The following AGBL1 variants were observed in gnomAD, a reference collection of about 807,000 sequenced individuals.
The protein encoded by AGBL1 is AGBL carboxypeptidase 1.
Under a neutral mutation model 118.9 loss-of-function variants are expected in AGBL1, and 130 were observed. That is an observed-to-expected ratio of 1.09 (90% CI 0.95 to 1.26). The LOEUF is 1.26. Among genes scored for constraint, AGBL1 ranks in the 50% most tolerant of loss-of-function variants. AGBL1 has a pLI of 0.00. For synonymous variants in AGBL1, 555 were observed against 478.9 expected, an observed-to-expected ratio of 1.16 and a Z score of -2.08; for missense variants, 1,584 against 1,298.1, an observed-to-expected ratio of 1.22 and a Z score of -3.38.
chr15:86,144,778 A>G (rs1030997109), intron 3 of AGBL1, among the ~76,000 whole-genome samples: 2 of 152,216 alleles, frequency 1.3e-5, no homozygotes, highest in Non-Finnish European at 2.9e-5. Flanking sequence ...AAGTTTACCT[A>G]TGTAACAAAC....
intron 23 of AGBL1, among the ~76,000 whole-genome samples, chr15:86,936,240 A>ATG (rs767265459): frequency 0.017 from 2,314 of 133,944 alleles, 40 homozygotes; most frequent in African/African-American, 0.053. Context: ...GTGTGTATGT[A>ATG]TGTGTGTGTG....
chr15:86,947,845 T>A (rs1326034906), intron 23 of AGBL1, among the ~76,000 whole-genome samples: 1 of 152,240 alleles, frequency 6.6e-6, no homozygotes, highest in Non-Finnish European at 1.5e-5. Context: ...GACGTTGTTT[T>A]TTCCTTTAGA....
chr15:86,371,229 G>A (rs531273049), intron 17 of AGBL1, among the ~76,000 whole-genome samples: 12 of 152,144 alleles, frequency 7.9e-5, no homozygotes, highest in African/African-American at 1.2e-4. Context: ...GTTGTGCTTC[G>A]TGCAGCTGGT....
rs908860439 is a variant in AGBL1, at chr15:86,817,231, G to A, written c.3159-89856G>A. On this transcript the variant is annotated intron_variant, in intron 22 of 22. Coordinates refer to ENST00000614907, the MANE Select transcript of AGBL1 (RefSeq NM_001386094.1). ...TGCTTGATCTCAGAAGGCGGAGGTT[G>A]CAGTGACCCAAGATAGTGCGATTGT... Among the ~76,000 whole-genome samples, 4 of 150,288 alleles carry A rather than the reference G, an allele frequency of 2.7e-5. No individual in the cohort carries two copies. In the Admixed American group the frequency reaches 2.7e-4, roughly 10 times the overall value.
At chr15:86,925,298 T>C (rs1596640679) in intron 23 of AGBL1, among the ~76,000 whole-genome samples, 1 of 152,204 alleles carries the variant, frequency 6.6e-6, no homozygotes, top group East Asian at 1.9e-4. Context: ...GGGAGGTATA[T>C]GGTAGAGTCT....
At chr15:86,545,894 T>C (rs2083573365) in intron 19 of AGBL1, 108 bp from the exon 20 acceptor site, 1 of 1,335,668 alleles carries the variant, frequency 7.5e-7, no homozygotes, top group South Asian at 1.4e-5. Flanking sequence ...AAAGTTGACA[T>C]TGTAAACTTT....
intron 17 of AGBL1, among the ~76,000 whole-genome samples, chr15:86,345,522 C>G (rs16976052): frequency 0.047 from 7,169 of 152,284 alleles, 201 homozygotes; most frequent in South Asian, 0.075. Context: ...AGAAGTACCT[C>G]TAACTGTAAG....
downstream of AGBL1, among the ~76,000 whole-genome samples, chr15:87,029,535 A>G (rs139142414): frequency 3.5e-4 from 53 of 152,078 alleles, 1 homozygote; most frequent in Non-Finnish European, 2.9e-4. Flanking sequence ...AGTAATGGCC[A>G]CTACCCCTTC....
chr15:86,769,646 T>G (rs900756771), intron 22 of AGBL1, among the ~76,000 whole-genome samples: 1 of 152,028 alleles, frequency 6.6e-6, no homozygotes, highest in Non-Finnish European at 1.5e-5. Context: ...GGACACTTGT[T>G]CATTCACCAT....
chr15:86,586,605 G>A (rs2084252080), intron 21 of AGBL1, among the ~76,000 whole-genome samples: 1 of 152,136 alleles, frequency 6.6e-6, no homozygotes, highest in South Asian at 2.1e-4. Context: ...GTCTCAAGAG[G>A]TCCTGAGAAA....
At chr15:86,611,857 C>T (rs2084660800) in intron 21 of AGBL1, among the ~76,000 whole-genome samples, 1 of 152,116 alleles carries the variant, frequency 6.6e-6, no homozygotes, top group African/African-American at 2.4e-5. Context: ...GGTGAGTCAA[C>T]AGAACCACAA....
chr15:86,778,453 G>A (rs1037797023), intron 22 of AGBL1, among the ~76,000 whole-genome samples: 2 of 152,056 alleles, frequency 1.3e-5, no homozygotes, highest in Admixed American at 6.6e-5. Context: ...CTACAGCTTC[G>A]ACTGTAAAAG....
chr15:86,286,735 G>GTGTGTGTATATATATATATATA, intron 16 of AGBL1, among the ~76,000 whole-genome samples: 1 of 106,296 alleles, frequency 9.4e-6, no homozygotes, highest in African/African-American at 3.9e-5. Flanking sequence ...GTTTGTGTGT[G>GTGTGTGTATATATATATATATA]TATATATATA....
intron 24 of AGBL1, among the ~76,000 whole-genome samples, chr15:87,017,786 G>A (rs866187265): frequency 6.6e-6 from 1 of 152,122 alleles, no homozygotes; most frequent in Non-Finnish European, 1.5e-5. Context: ...ACAGAACAGG[G>A]CTGAGGCTGA....
intron 22 of AGBL1, among the ~76,000 whole-genome samples, chr15:86,863,277 T>TGA (rs2141484744): frequency 6.6e-6 from 1 of 152,352 alleles, no homozygotes; most frequent in African/African-American, 2.4e-5. Flanking sequence ...TCTCTATTTA[T>TGA]GAACATTTGA....
chr15:87,009,636 A>T (rs2081538162), intron 24 of AGBL1, among the ~76,000 whole-genome samples: 1 of 152,186 alleles, frequency 6.6e-6, no homozygotes, highest in Non-Finnish European at 1.5e-5. Flanking sequence ...AAAGCCACAG[A>T]CACTCAATGC....
intron 1 of AGBL1, among the ~76,000 whole-genome samples, chr15:86,090,202 C>A (rs1212049342): frequency 6.6e-6 from 1 of 152,294 alleles, no homozygotes; most frequent in Non-Finnish European, 1.5e-5. Context: ...GGCAGTCTGA[C>A]TCCAGATTCC....
At chr15:86,370,486 G>A (rs1459176928) in intron 17 of AGBL1, among the ~76,000 whole-genome samples, 4 of 151,968 alleles carry the variant, frequency 2.6e-5, no homozygotes, top group South Asian at 2.1e-4. Flanking sequence ...TGTAGAGACC[G>A]GGTTTCACCA....
intron 21 of AGBL1, among the ~76,000 whole-genome samples, chr15:86,566,366 C>CCCT (rs1482824499): frequency 0.048 from 7,328 of 152,184 alleles, 484 homozygotes; most frequent in African/African-American, 0.15. Context: ...GCTGTTCTAT[C>CCCT]CACTATTTCC....
Sources: gnomAD v4.1 joint callset for allele counts (sites outside exome capture counted in the v4.1 genomes callset) on GRCh38, gnomAD v4.1.1 for gene constraint, MANE v1.5 for transcripts, NCBI Gene and HGNC (gene_info 2026-07-23, HGNC 2026-07-21) for gene names.